Variants in AP3S1 observed in about 807,000 individuals in gnomAD.
AP3S1 encodes AP-3 complex subunit sigma-1.
Under a neutral mutation model 21.3 loss-of-function variants are expected in AP3S1, and 12 were observed. The observed-to-expected ratio is 0.56, with a 90% confidence interval of 0.36 to 0.91. The LOEUF (loss-of-function observed/expected upper bound fraction) is 0.91. AP3S1 is among the 40% of genes least tolerant of loss of function. The pLI is 0.01. For missense variants in AP3S1, 116 were observed against 225.0 expected (o/e 0.52, Z 3.10); for synonymous variants, 48 against 78.4 (o/e 0.61, Z 2.05).
At chr5:115,896,837 T>G (rs1750791560) in intron 4 of AP3S1, among the ~76,000 whole-genome samples, 1 of 152,162 alleles carries the variant, frequency 6.6e-6, no homozygotes, top group Non-Finnish European at 1.5e-5. Context: ...AAGCTGTGTT[T>G]TAAAATGACT....
chr5:115,887,445 A>G (rs981823984), intron 3 of AP3S1, among the ~76,000 whole-genome samples: 2 of 151,420 alleles, frequency 1.3e-5, no homozygotes, highest in Non-Finnish European at 3.0e-5. Context: ...TTCTAAACCC[A>G]GAAACCAATT....
chr5:115,898,458 G>A (rs1750946309), intron 4 of AP3S1, among the ~76,000 whole-genome samples: 1 of 152,194 alleles, frequency 6.6e-6, no homozygotes, highest in African/African-American at 2.4e-5. Context: ...AATTGGTTTG[G>A]ATGTAGAGAC....
chr5:115,909,021 G>T, intron 5 of AP3S1: 1 of 982,838 alleles, frequency 1.0e-6, no homozygotes, highest in Non-Finnish European at 1.2e-6. Flanking sequence ...CCAGCAGGAA[G>T]GGTGGGTAAA....
intron 3 of AP3S1, among the ~76,000 whole-genome samples, chr5:115,873,844 C>A (rs952425681): frequency 6.6e-6 from 1 of 152,034 alleles, no homozygotes; most frequent in Non-Finnish European, 1.5e-5. Flanking sequence ...CTTGCATATT[C>A]TTTTAGAGAA....
At chr5:115,861,865 C>CTTTT (rs113923492) in intron 1 of AP3S1, among the ~76,000 whole-genome samples, 2 of 110,618 alleles carry the variant, frequency 1.8e-5, no homozygotes, top group Non-Finnish European at 3.5e-5. Context: ...CTTTTCTTTT[C>CTTTT]TTTTTTTTTT....
At chr5:115,873,838 C>T (rs1487470265) in intron 3 of AP3S1, among the ~76,000 whole-genome samples, 1 of 152,034 alleles carries the variant, frequency 6.6e-6, no homozygotes, top group Admixed American at 6.5e-5. Context: ...CTTGGTCTTG[C>T]ATATTCTTTT....
chr5:115,845,459 TTA>T (rs1042270078), intron 1 of AP3S1, among the ~76,000 whole-genome samples: 4 of 152,166 alleles, frequency 2.6e-5, no homozygotes, highest in African/African-American at 4.8e-5. Flanking sequence ...CTCCAAGCTG[TTA>T]TATGTGAGAA....
At chr5:115,910,465 A>G (rs1045972288) in intron 5 of AP3S1, among the ~76,000 whole-genome samples, 1 of 152,096 alleles carries the variant, frequency 6.6e-6, no homozygotes, top group Non-Finnish European at 1.5e-5. Context: ...TGAAAAGTTA[A>G]GTGTTAGTAA....
intron 1 of AP3S1, among the ~76,000 whole-genome samples, chr5:115,858,934 A>ATTTATTT (rs947012724): frequency 3.3e-5 from 5 of 150,810 alleles, no homozygotes; most frequent in East Asian, 1.9e-4. Context: ...AAAAAAATTT[A>ATTTATTT]TTTATTTTTT....
At chr5:115,868,495 C>G (rs1278912048) in intron 2 of AP3S1, among the ~76,000 whole-genome samples, 1 of 152,096 alleles carries the variant, frequency 6.6e-6, no homozygotes, top group East Asian at 1.9e-4. Flanking sequence ...AAGATCATTT[C>G]TCCTTTTGCT....
At chr5:115,856,587 C>T (rs1274265890) in intron 1 of AP3S1, among the ~76,000 whole-genome samples, 5 of 152,102 alleles carry the variant, frequency 3.3e-5, no homozygotes, top group African/African-American at 7.2e-5. Flanking sequence ...GGCTCAGCCT[C>T]CTTGGTAGCC....
At chr5:115,875,507 C>T (rs1748633860) in intron 3 of AP3S1, among the ~76,000 whole-genome samples, 1 of 152,106 alleles carries the variant, frequency 6.6e-6, no homozygotes, top group South Asian at 2.1e-4. Context: ...TTGGGTACCA[C>T]CTGTTTTTTA....
intron 5 of AP3S1, among the ~76,000 whole-genome samples, chr5:115,909,789 G>C (rs916818640): frequency 6.6e-6 from 1 of 152,090 alleles, no homozygotes; most frequent in Non-Finnish European, 1.5e-5. Context: ...CCTTACCTGT[G>C]TTGGGTACAT....
chr5:115,853,888 A>G (rs551585758), intron 1 of AP3S1, among the ~76,000 whole-genome samples: 1 of 152,310 alleles, frequency 6.6e-6, no homozygotes, highest in South Asian at 2.1e-4. Flanking sequence ...AGTGTTTGCC[A>G]TTGAAATTGG....
chr5:115,910,519 A>C (rs1294525890), intron 5 of AP3S1, among the ~76,000 whole-genome samples: 1 of 152,134 alleles, frequency 6.6e-6, no homozygotes, highest in Non-Finnish European at 1.5e-5. Flanking sequence ...GAAAAAAAAA[A>C]AATCTTAACC....
rs1752273949 is a variant in AP3S1, at chr5:115,913,561, A to T, written c.*71A>T. ...ATCTAAGTTTACCATGCAGTTGTTT[A>T]CCAAAAATAGAGGAGGAGAGTCTTA... On this transcript the variant is annotated 3_prime_UTR_variant, in exon 6 of 6. Coordinates refer to ENST00000316788, the MANE Select transcript of AP3S1 (RefSeq NM_001284.4). 1 of 1,572,128 alleles carries T rather than the reference A, an allele frequency of 6.4e-7. No homozygotes were observed. The highest frequency in any genetic ancestry group is 2.2e-5 in the East Asian group (1 of 44,482).
chr5:115,872,522 T>A (rs1423364274), intron 3 of AP3S1, among the ~76,000 whole-genome samples: 1 of 152,102 alleles, frequency 6.6e-6, no homozygotes, highest in East Asian at 1.9e-4. Context: ...ATGTATATAT[T>A]ATGAGGTAGA....
chr5:115,875,603 C>T (rs1308613372), intron 3 of AP3S1, among the ~76,000 whole-genome samples: 1 of 152,114 alleles, frequency 6.6e-6, no homozygotes, highest in Non-Finnish European at 1.5e-5. Context: ...AACTCTTGGT[C>T]CCAGAGGAAG....
chr5:115,867,920 A>G (rs1747838556), intron 2 of AP3S1, among the ~76,000 whole-genome samples: 2 of 152,166 alleles, frequency 1.3e-5, no homozygotes, highest in African/African-American at 2.4e-5. Context: ...TTAACCTTAC[A>G]AAAAATAGAA....
Sources: allele counts gnomAD v4.1 joint callset (sites outside exome capture counted in the v4.1 genomes callset), GRCh38; gene constraint gnomAD v4.1.1; transcripts MANE v1.5; gene names NCBI Gene and HGNC (gene_info 2026-07-23, HGNC 2026-07-21).